The following TDRP variants were observed in gnomAD, a reference collection of about 807,000 sequenced individuals.
The protein encoded by TDRP is testis development-related protein.
In TDRP, 12 loss-of-function variants were observed where a neutral mutation model predicts 10.5. The observed-to-expected ratio is 1.15, with a 90% confidence interval of 0.73 to 1.86. The LOEUF is 1.86. Ranked by LOEUF, TDRP falls within the 40% of genes most tolerant of loss-of-function variation. TDRP has a pLI of 0.00. For missense variants in TDRP, 353 were observed against 229.2 expected, an observed-to-expected ratio of 1.54 and a Z score of -3.49; for synonymous variants, 139 against 95.4, an observed-to-expected ratio of 1.46 and a Z score of -2.67.
chr8:510,704 T>C (rs1801593443), intron 1 of TDRP, among the ~76,000 whole-genome samples: 1 of 152,250 alleles, frequency 6.6e-6, no homozygotes, highest in Admixed American at 6.5e-5. Flanking sequence ...AACTTCTTGT[T>C]AGCAAACCCA....
In TDRP at chr8:492,395, C is replaced by G. The variant is rs773231798; in HGVS notation, c.*4G>C. 1.8e-5 allele frequency: 28 copies of G among 1,513,766 alleles called. No homozygotes were observed. In the South Asian group the frequency reaches 2.9e-4, roughly 15 times the overall value. 93.8% of individuals were successfully genotyped at this position (1,513,766 alleles called of 1,614,324 possible). On this transcript the variant is annotated 3_prime_UTR_variant, in exon 3 of 3. Transcript: ENST00000324079. Reference sequence around the variant, plus strand: ...GTCGGGGCACACTTGCCACGCAGCCCCCCTCACTCCGCCTCCTCCGGGCTA... The same window carrying G: ...GTCGGGGCACACTTGCCACGCAGCCGCCCTCACTCCGCCTCCTCCGGGCTA...
chr8:503,251 T>C (rs6997375), intron 1 of TDRP, among the ~76,000 whole-genome samples: 121,784 of 148,596 alleles, frequency 0.82, 49,444 homozygotes, highest in Admixed American at 0.87. Flanking sequence ...CACACCAACA[T>C]GGAATCCAGA....
intron 1 of TDRP, among the ~76,000 whole-genome samples, chr8:505,406 T>C (rs1201544617): frequency 6.6e-6 from 1 of 152,226 alleles, no homozygotes; most frequent in Non-Finnish European, 1.5e-5. Flanking sequence ...TCCATAATAT[T>C]GAAGATGTGT....
chr8:496,490 G>C (rs1801139603), intron 1 of TDRP, among the ~76,000 whole-genome samples: 1 of 152,156 alleles, frequency 6.6e-6, no homozygotes, highest in Non-Finnish European at 1.5e-5. Flanking sequence ...CGTGACCTTG[G>C]GGAACTTAGC....
intron 1 of TDRP, among the ~76,000 whole-genome samples, chr8:499,798 G>A (rs1257176768): frequency 2.6e-5 from 4 of 152,222 alleles, no homozygotes; most frequent in East Asian, 1.9e-4. Context: ...CTCTGCTCCT[G>A]TAGCCAGCAA....
intron 1 of TDRP, 59 bp downstream of exon 1, chr8:544,591 T>G: frequency 8.9e-7 from 1 of 1,127,664 alleles, no homozygotes; most frequent in Non-Finnish European, 1.1e-6. Context: ...CCGCCCACCC[T>G]CGCCCTCCAC....
At chr8:535,230 C>T (rs994869118) in intron 1 of TDRP, among the ~76,000 whole-genome samples, 1 of 152,186 alleles carries the variant, frequency 6.6e-6, no homozygotes, top group Non-Finnish European at 1.5e-5. Flanking sequence ...GCTGTCCACA[C>T]ACTCGCCTGG....
At chr8:540,315 G>A (rs1200143149) in intron 1 of TDRP, among the ~76,000 whole-genome samples, 1 of 152,172 alleles carries the variant, frequency 6.6e-6, no homozygotes, top group Non-Finnish European at 1.5e-5. Flanking sequence ...AGCACTCCAT[G>A]AGACACATAT....
chr8:541,126 T>C (rs781086439), intron 1 of TDRP, among the ~76,000 whole-genome samples: 19 of 152,258 alleles, frequency 1.2e-4, no homozygotes, highest in African/African-American at 3.9e-4. Flanking sequence ...TTAATTCTAA[T>C]TTAATTCTAA....
intron 1 of TDRP, among the ~76,000 whole-genome samples, chr8:501,698 T>G (rs62484367): frequency 0.2 from 30,231 of 152,132 alleles, 3,040 homozygotes; most frequent in South Asian, 0.26. Flanking sequence ...CAGGAAAAAT[T>G]AGAAACCTTT....
At chr8:501,622 C>T (rs867597469) in intron 1 of TDRP, among the ~76,000 whole-genome samples, 7 of 152,328 alleles carry the variant, frequency 4.6e-5, no homozygotes, top group South Asian at 2.1e-4. Context: ...GCTGGGATTA[C>T]AGGCGTGAGA....
chr8:508,574 T>G (rs1801528947), intron 1 of TDRP, among the ~76,000 whole-genome samples: 1 of 152,132 alleles, frequency 6.6e-6, no homozygotes, highest in South Asian at 2.1e-4. Context: ...AAGAATAGCA[T>G]GCGGGAAACC....
At chr8:502,154 A>T (rs1801322110) in intron 1 of TDRP, among the ~76,000 whole-genome samples, 1 of 152,226 alleles carries the variant, frequency 6.6e-6, no homozygotes, top group African/African-American at 2.4e-5. Context: ...CTAAGGTTTC[A>T]ATTACGTACA....
At chr8:505,297 C>T (rs1563119849) in intron 1 of TDRP, among the ~76,000 whole-genome samples, 1 of 152,180 alleles carries the variant, frequency 6.6e-6, no homozygotes, top group South Asian at 2.1e-4. Flanking sequence ...TCCACAAATA[C>T]CTCTTCCACC....
intron 1 of TDRP, among the ~76,000 whole-genome samples, chr8:526,922 G>A (rs1375969951): frequency 1.3e-5 from 2 of 152,134 alleles, no homozygotes; most frequent in Admixed American, 6.5e-5. Context: ...AATAATCCTT[G>A]TTTGCAGACA....
intron 1 of TDRP, among the ~76,000 whole-genome samples, chr8:511,447 T>G (rs1200905031): frequency 2.0e-5 from 3 of 152,036 alleles, no homozygotes; most frequent in Non-Finnish European, 4.4e-5. Flanking sequence ...ATGTACATAG[T>G]AACAAGGCAA....
Position 544,765 on chromosome 8 carries a change from C to T in TDRP, c.-8G>A, listed in dbSNP as rs984916973. 1 of 1,233,366 alleles carries T rather than the reference C, an allele frequency of 8.1e-7. No homozygotes were observed. The allele number at this position is 1,233,366 out of a possible 1,614,324, so 76.4% of individuals were successfully genotyped here. A position where few individuals can be genotyped will look rare whatever the true frequency, so the allele number is the denominator to read the frequency against. On this transcript the variant is annotated 5_prime_UTR_variant, in exon 1 of 3. Transcript: ENST00000324079. ...CCGGCCCAGCTTCCACATGGTCAGG[C>T]GGGCTCCGGCGTCCCTCCGTCCGTG...
intron 1 of TDRP, among the ~76,000 whole-genome samples, chr8:510,057 G>C (rs1801572030): frequency 1.3e-5 from 2 of 152,166 alleles, no homozygotes; most frequent in Admixed American, 1.3e-4. Context: ...GCACAGAGCT[G>C]TGCCCACTCC....
intron 1 of TDRP, among the ~76,000 whole-genome samples, chr8:542,442 TG>T (rs141293259): frequency 6.6e-6 from 1 of 151,854 alleles, no homozygotes; most frequent in East Asian, 1.9e-4. Flanking sequence ...GTGATGATAG[TG>T]GGGGGCTGGG....
Sources: allele counts gnomAD v4.1 joint callset (sites outside exome capture counted in the v4.1 genomes callset), GRCh38; gene constraint gnomAD v4.1.1; transcripts MANE v1.5; gene names NCBI Gene and HGNC (gene_info 2026-07-23, HGNC 2026-07-21).